BCL9: variants seen among roughly 807,000 people sequenced by gnomAD.
The protein encoded by BCL9 is B-cell CLL/lymphoma 9 protein.
A neutral mutation model predicts 88.5 loss-of-function variants in BCL9; 25 were observed. That is an observed-to-expected ratio of 0.28 (90% CI 0.21 to 0.39). The LOEUF (loss-of-function observed/expected upper bound fraction) is 0.39. Ranked by LOEUF, BCL9 falls within the 10% of genes least tolerant of loss-of-function variation. BCL9 has a pLI of 1.00. For missense variants in BCL9, 1,817 were observed against 1,877.8 expected (o/e 0.97, Z 0.60); for synonymous variants, 711 against 673.3 (o/e 1.06, Z -0.87).
At chr1:147,555,890 C>G (rs1222736452) in intron 1 of BCL9, among the ~76,000 whole-genome samples, 1 of 152,160 alleles carries the variant, frequency 6.6e-6, no homozygotes, top group Admixed American at 6.5e-5. Context: ...AACAACATCT[C>G]TTTTGCACTC....
intron 1 of BCL9, among the ~76,000 whole-genome samples, chr1:147,567,306 T>C (rs1240171112): frequency 2.0e-5 from 3 of 152,150 alleles, no homozygotes; most frequent in Admixed American, 1.3e-4. Context: ...CAGAAGAGAA[T>C]TTTTGGTTTG....
intron 4 of BCL9, 33 bp from the exon 5 acceptor site, chr1:147,612,850 G>T: frequency 6.2e-7 from 1 of 1,604,286 alleles, no homozygotes; most frequent in Non-Finnish European, 8.5e-7. Flanking sequence ...TGTATCTGGT[G>T]TCTGATCTTC....
intron 1 of BCL9, among the ~76,000 whole-genome samples, chr1:147,577,116 T>A (rs1305953382): frequency 2.0e-5 from 3 of 152,134 alleles, no homozygotes; most frequent in African/African-American, 7.2e-5. Context: ...ATTAAAATAA[T>A]TGAATTGCAT....
chr1:147,566,688 G>A (rs1356364697), intron 1 of BCL9, among the ~76,000 whole-genome samples: 3 of 152,144 alleles, frequency 2.0e-5, no homozygotes, highest in Admixed American at 6.5e-5. Flanking sequence ...CCCGGGAGGC[G>A]GAGTTTGCAG....
rs587633963 is a variant in BCL9, at chr1:147,578,821, G to A, written c.-477-25956G>A. Among the ~76,000 whole-genome samples the A allele has an allele frequency of 1.0e-3, 157 of 152,056 alleles. 1 individual carries two copies. The highest frequency in any genetic ancestry group is 3.7e-3 in the African/African-American group (155 of 41,498). ...CTTTTGAATTTTATGTGAAGTATAAGGGAAAGGTACCCAGACTTGGAGTCA... is the reference window on the plus strand; with the variant it reads ...CTTTTGAATTTTATGTGAAGTATAAAGGAAAGGTACCCAGACTTGGAGTCA... On this transcript the variant is annotated intron_variant, in intron 1 of 9. Transcript: ENST00000234739.
Position 147,618,901 on chromosome 1 carries a change from C to T in BCL9, c.746C>T (p.Ser249Phe). ...PAPANQDQNS[S>F]QNTRLQPTPP... ...CCGGCCAACCAGGACCAGAATTCTT[C>T]CCAGAATACCAGACTGCAGCCAACT... is the stretch of plus-strand genomic sequence containing the variant. Residue 249 changes from serine to phenylalanine, a missense_variant, in exon 8 of 10, where the codon TCC (serine) becomes TTC (phenylalanine). Transcript: ENST00000234739. The T allele has an allele frequency of 6.2e-7, 1 of 1,613,378 alleles. No homozygotes were observed. The highest frequency in any genetic ancestry group is 8.5e-7 in the Non-Finnish European group (1 of 1,179,578).
At chr1:147,566,484 G>A (rs1175840914) in intron 1 of BCL9, among the ~76,000 whole-genome samples, 4 of 151,864 alleles carry the variant, frequency 2.6e-5, no homozygotes, top group African/African-American at 7.3e-5. Context: ...GGCCAGGCGC[G>A]GTGGCTCACA....
chr1:147,593,996 A>T (rs917945402), intron 1 of BCL9, among the ~76,000 whole-genome samples: 5 of 152,236 alleles, frequency 3.3e-5, no homozygotes, highest in African/African-American at 1.2e-4. Flanking sequence ...ATAGTTTAAT[A>T]TCTAAACCCA....
At chr1:147,612,803 A>G (rs1658078110) in intron 4 of BCL9, 80 bp from the exon 5 acceptor site, 3 of 1,432,338 alleles carry the variant, frequency 2.1e-6, no homozygotes, top group South Asian at 1.2e-5. Context: ...CTTGACCCCC[A>G]ATAGAAACTG....
intron 3 of BCL9, among the ~76,000 whole-genome samples, chr1:147,608,241 A>C (rs1418857418): frequency 1.3e-5 from 2 of 151,866 alleles, no homozygotes; most frequent in Non-Finnish European, 2.9e-5. Flanking sequence ...TCGAATGGCA[A>C]GTGAGGAAGT....
intron 1 of BCL9, among the ~76,000 whole-genome samples, chr1:147,589,972 G>T (rs1184728353): frequency 1.3e-5 from 2 of 152,182 alleles, no homozygotes; most frequent in African/African-American, 4.8e-5. Flanking sequence ...GAAAGTGTTA[G>T]TTTCTCTCCA....
At position 147,611,577 on chromosome 1, in the gene BCL9, G is replaced by A. The variant is rs1305419213; in HGVS notation, c.-259-1G>A. 1 of 515,306 alleles carries A rather than the reference G, an allele frequency of 1.9e-6. No homozygotes were observed. Among genetic ancestry groups the A allele is most frequent in the Non-Finnish European group, 3.5e-6 (1 of 286,138 alleles). The allele number at this position is 515,306 out of a possible 1,614,324, so 31.9% of individuals were successfully genotyped here. On this transcript the variant is annotated splice_acceptor_variant, in intron 3 of 9. Transcript: ENST00000234739. LOFTEE classifies it low-confidence loss of function (5UTR_SPLICE). Reference sequence around the variant, plus strand: ...TTTTTTTGGGTGGCCTTTTCCTGTAGTATGCCCTGGAGATGCGAGATTTTC... The same window carrying A: ...TTTTTTTGGGTGGCCTTTTCCTGTAATATGCCCTGGAGATGCGAGATTTTC...
intron 1 of BCL9, among the ~76,000 whole-genome samples, chr1:147,586,703 G>T (rs1408727006): frequency 2.0e-5 from 3 of 152,120 alleles, no homozygotes; most frequent in Non-Finnish European, 2.9e-5. Flanking sequence ...CAAGCCCGTA[G>T]TCTTCAGCCC....
chr1:147,617,653 C>A (rs1658357202), intron 7 of BCL9, among the ~76,000 whole-genome samples: 1 of 152,148 alleles, frequency 6.6e-6, no homozygotes, highest in Non-Finnish European at 1.5e-5. Flanking sequence ...ACAAATTGTT[C>A]ATATGCAGAG....
chr1:147,618,650 C>A (rs587727147), intron 7 of BCL9, among the ~76,000 whole-genome samples, 166 bp from the exon 8 acceptor site: 25 of 140,726 alleles, frequency 1.8e-4, no homozygotes, highest in Middle Eastern at 3.6e-3. Context: ...AAAAAAAAAT[C>A]AAAATGTCTC....
intron 9 of BCL9, 101 bp downstream of exon 9, chr1:147,622,632 C>T: frequency 7.0e-7 from 1 of 1,423,670 alleles, no homozygotes; most frequent in East Asian, 2.3e-5. Context: ...GGTGGAAGTT[C>T]AACAAGTAGA....
chr1:147,621,704 G>A (rs1658658482), intron 8 of BCL9, among the ~76,000 whole-genome samples: 1 of 152,166 alleles, frequency 6.6e-6, no homozygotes, highest in Non-Finnish European at 1.5e-5. Context: ...TAGAATCAGA[G>A]CAAGATAGAA....
chr1:147,611,934 C>T (rs782376030), intron 4 of BCL9, 45 bp downstream of exon 4: 8 of 1,566,500 alleles, frequency 5.1e-6, no homozygotes, highest in Middle Eastern at 1.7e-4. Flanking sequence ...CTTGGGGATG[C>T]CATAGGCACA....
intron 1 of BCL9, among the ~76,000 whole-genome samples, chr1:147,566,649 G>A (rs909232557): frequency 1.3e-5 from 2 of 152,162 alleles, no homozygotes; most frequent in East Asian, 1.9e-4. Flanking sequence ...CCAGCTAGAC[G>A]GGAGGCCGAG....
Sources: gnomAD v4.1 joint callset for allele counts (sites outside exome capture counted in the v4.1 genomes callset) on GRCh38, gnomAD v4.1.1 for gene constraint, MANE v1.5 for transcripts, NCBI Gene and HGNC (gene_info 2026-07-23, HGNC 2026-07-21) for gene names.